The following DNAJA1 variants were observed in gnomAD, a reference collection of about 807,000 sequenced individuals.
The protein encoded by DNAJA1 is dnaJ homolog subfamily A member 1.
A neutral mutation model predicts 47.6 loss-of-function variants in DNAJA1; 26 were observed. That is an observed-to-expected ratio of 0.55 (90% CI 0.40 to 0.76). The LOEUF is 0.76. Among genes scored for constraint, DNAJA1 ranks in the 30% least tolerant of loss-of-function variants. DNAJA1 has a pLI of 0.00. For synonymous variants in DNAJA1, 165 were observed against 158.4 expected, an observed-to-expected ratio of 1.04 and a Z score of -0.31; for missense variants, 315 against 485.0, an observed-to-expected ratio of 0.65 and a Z score of 3.29.
At chr9:33,026,332 G>T (rs1214727513) in intron 1 of DNAJA1, 143 bp from the exon 2 acceptor site, 2 of 758,630 alleles carry the variant, frequency 2.6e-6, no homozygotes, top group Admixed American at 3.7e-5. Flanking sequence ...AATTATCGCA[G>T]GAATTGTTAC....
intron 5 of DNAJA1, 91 bp from the exon 6 acceptor site, chr9:33,034,125 T>A: frequency 1.2e-6 from 1 of 848,240 alleles, no homozygotes; most frequent in Non-Finnish European, 1.8e-6. Context: ...CTGTGATTTT[T>A]ATGCATAAAC....
chr9:33,034,041 G>A (rs995101777), intron 5 of DNAJA1, among the ~76,000 whole-genome samples, 175 bp from the exon 6 acceptor site: 2 of 152,198 alleles, frequency 1.3e-5, no homozygotes, highest in Non-Finnish European at 2.9e-5. Flanking sequence ...TCTGGAGTTT[G>A]TGTTCTCCAC....
At chr9:33,025,799 G>A (rs547253710) in intron 1 of DNAJA1, among the ~76,000 whole-genome samples, 3 of 152,192 alleles carry the variant, frequency 2.0e-5, no homozygotes, top group South Asian at 4.1e-4. Context: ...TTTTGGTTTC[G>A]CTTTCTCTGT....
Position 33,025,709 on chromosome 9 carries a change from A to G in DNAJA1, c.-11+326A>G, listed in dbSNP as rs1045276299. Among the ~76,000 whole-genome samples, 379 of 114,630 alleles carry G rather than the reference A, an allele frequency of 3.3e-3. 1 individual carries two copies. Among genetic ancestry groups the G allele is most frequent in the African/African-American group, 0.011 (338 of 30,048 alleles). The allele number at this position is 114,630 out of a possible 152,430, so 75.2% of individuals were successfully genotyped here. ...GTGCTCGCTCGGGGTGGGGGGGGGGAGTGGGGTTGGCGACCCTGCGCACGC... is the reference window on the plus strand; with the variant it reads ...GTGCTCGCTCGGGGTGGGGGGGGGGGGTGGGGTTGGCGACCCTGCGCACGC... On this transcript the variant is annotated intron_variant, in intron 1 of 8. Transcript: ENST00000330899.
At chr9:33,032,552 C>T (rs1233042178) in intron 5 of DNAJA1, among the ~76,000 whole-genome samples, 1 of 152,154 alleles carries the variant, frequency 6.6e-6, no homozygotes, top group Non-Finnish European at 1.5e-5. Flanking sequence ...TTCCAAGAAC[C>T]TATCAACAAT....
chr9:33,029,535 CAG>C (rs1177976414), intron 3 of DNAJA1, among the ~76,000 whole-genome samples: 1 of 152,194 alleles, frequency 6.6e-6, no homozygotes, highest in Non-Finnish European at 1.5e-5. Context: ...TATATTGTGA[CAG>C]AAATGAATGT....
At chr9:33,034,363 T>C (rs777227639) in intron 6 of DNAJA1, 33 bp downstream of exon 6, 31 of 1,528,788 alleles carry the variant, frequency 2.0e-5, no homozygotes, top group East Asian at 1.8e-4. Context: ...CAAATTGATA[T>C]CACATATTTG....
chr9:33,037,864 T>C (rs1315166066), intron 8 of DNAJA1, among the ~76,000 whole-genome samples: 4 of 152,182 alleles, frequency 2.6e-5, no homozygotes, highest in African/African-American at 9.7e-5. Context: ...ATCTTAAAGT[T>C]GAGAGGTGCT....
At chr9:33,030,909 A>T (rs1263841207) in intron 5 of DNAJA1, among the ~76,000 whole-genome samples, 3 of 152,204 alleles carry the variant, frequency 2.0e-5, no homozygotes, top group Non-Finnish European at 4.4e-5. Flanking sequence ...CATCTTTTGA[A>T]ATCTGTGGTC....
At chr9:33,032,529 C>G (rs1045025290) in intron 5 of DNAJA1, among the ~76,000 whole-genome samples, 3 of 152,312 alleles carry the variant, frequency 2.0e-5, no homozygotes, top group Middle Eastern at 3.4e-3. Flanking sequence ...TGTGTCATTT[C>G]ATTTAAAGCA....
At chr9:33,028,018 C>CT (rs1838900445) in intron 3 of DNAJA1, among the ~76,000 whole-genome samples, 1 of 103,380 alleles carries the variant, frequency 9.7e-6, no homozygotes, top group African/African-American at 4.1e-5. Flanking sequence ...CAGCGAGACT[C>CT]TTGTCTCAAA....
chr9:33,025,533 T>C (rs989386937), intron 1 of DNAJA1, 150 bp downstream of exon 1: 3 of 152,396 alleles, frequency 2.0e-5, no homozygotes, highest in Non-Finnish European at 4.4e-5. Flanking sequence ...GGAGGGCTGG[T>C]GTGGTGCCCT....
chr9:33,029,800 C>T, intron 3 of DNAJA1, 85 bp from the exon 4 acceptor site: 1 of 1,095,372 alleles, frequency 9.1e-7, no homozygotes, highest in South Asian at 1.5e-5. Flanking sequence ...TTTTATTATT[C>T]TTTGCCACAT....
chr9:33,027,782 A>G (rs1352654184), intron 3 of DNAJA1, among the ~76,000 whole-genome samples: 1 of 151,964 alleles, frequency 6.6e-6, no homozygotes, highest in African/African-American at 2.4e-5. Context: ...CCCTGGAGGC[A>G]GAGGTTGCAG....
chr9:33,028,687 A>G (rs1364998866), intron 3 of DNAJA1, among the ~76,000 whole-genome samples: 2 of 152,202 alleles, frequency 1.3e-5, no homozygotes, highest in African/African-American at 4.8e-5. Flanking sequence ...AACATTGGCA[A>G]GCTCTTTTAT....
At chr9:33,026,414 T>C (rs1163655460) in intron 1 of DNAJA1, 61 bp from the exon 2 acceptor site, 2 of 1,561,130 alleles carry the variant, frequency 1.3e-6, no homozygotes, top group Non-Finnish European at 1.7e-6. Flanking sequence ...CGGCCTTAGC[T>C]CTCTTTTTTA....
Position 33,029,909 on chromosome 9 carries a change from C to T in DNAJA1, c.335C>T (p.Ser112Leu). The T allele has an allele frequency of 6.2e-7, 1 of 1,610,092 alleles. No homozygotes were observed. Among genetic ancestry groups the T allele is most frequent in the Non-Finnish European group, 8.5e-7 (1 of 1,178,930 alleles). Residue 112 changes from serine (S) to leucine (L), a missense_variant, in exon 4 of 9, where the codon TCA becomes TTA. Physicochemically the swap from Ser to Leu is moderately radical, Grantham distance 145. Transcript: ENST00000330899. ...GGTAAAAATGTTGTACATCAGCTCTCAGTAACCCTAGAAGACTTATATAAT... is the reference window on the plus strand; with the variant it reads ...GGTAAAAATGTTGTACATCAGCTCTTAGTAACCCTAGAAGACTTATATAAT... The part of the protein sequence containing the change: ...RRGKNVVHQL[S>L]VTLEDLYNGA...
At chr9:33,037,328 AAAAATT>A in intron 8 of DNAJA1, 1 of 346,498 alleles carries the variant, frequency 2.9e-6, no homozygotes, top group Non-Finnish European at 5.4e-6. Flanking sequence ...AAAAAAAAAA[AAAAATT>A]AAAATTTCTG....
chr9:33,036,928 A>G, intron 7 of DNAJA1, 87 bp from the exon 8 acceptor site: 1 of 1,227,216 alleles, frequency 8.1e-7, no homozygotes, highest in Non-Finnish European at 1.2e-6. Flanking sequence ...CCTGCCAATG[A>G]GCTAGGACAG....
Sources: gnomAD v4.1 joint callset for allele counts (sites outside exome capture counted in the v4.1 genomes callset) on GRCh38, gnomAD v4.1.1 for gene constraint, MANE v1.5 for transcripts, NCBI Gene and HGNC (gene_info 2026-07-23, HGNC 2026-07-21) for gene names.